Variants in SUCLG1 observed in about 807,000 individuals in gnomAD.
The protein encoded by SUCLG1 is succinate-CoA ligase GDP/ADP-forming subunit alpha, also known as succinate--CoA ligase [ADP/GDP-forming] subunit alpha, mitochondrial.
SUCLG1 carries 26 observed loss-of-function variants against 37.3 expected under a neutral mutation model. That is an observed-to-expected ratio of 0.70 (90% CI 0.51 to 0.97). SUCLG1 has a LOEUF of 0.97. Among genes scored for constraint, SUCLG1 ranks in the 50% least tolerant of loss-of-function variants. The pLI, the probability that SUCLG1 is intolerant of heterozygous loss-of-function variation, is 0.00. For missense variants in SUCLG1, 433 were observed against 432.9 expected, an observed-to-expected ratio of 1.00 and a Z score of 0.00; for synonymous variants, 163 against 155.6, an observed-to-expected ratio of 1.05 and a Z score of -0.36.
chr2:84,447,557 G>A (rs1672869051), intron 2 of SUCLG1, among the ~76,000 whole-genome samples: 1 of 152,048 alleles, frequency 6.6e-6, no homozygotes, highest in Non-Finnish European at 1.5e-5. Flanking sequence ...GAGAATTTGG[G>A]TTAATCAAAC....
chr2:84,433,062 C>G (rs946866228), intron 6 of SUCLG1: 2 of 459,664 alleles, frequency 4.4e-6, no homozygotes, highest in Non-Finnish European at 7.9e-6. Flanking sequence ...ATATAAGGAA[C>G]CATTTCTTCA....
intron 1 of SUCLG1, among the ~76,000 whole-genome samples, chr2:84,453,499 C>G (rs1389513763): frequency 3.3e-5 from 5 of 151,976 alleles, no homozygotes; most frequent in Admixed American, 2.0e-4. Flanking sequence ...ACTGCAACCT[C>G]CACCTCTCGG....
intron 1 of SUCLG1, 85 bp from the exon 2 acceptor site, chr2:84,449,837 CAA>C: frequency 9.8e-7 from 1 of 1,021,392 alleles, no homozygotes; most frequent in Admixed American, 2.7e-5. Flanking sequence ...AACTTGATCA[CAA>C]AAAAAAAATT....
chr2:84,437,926 TAG>T (rs1292037874), intron 5 of SUCLG1, among the ~76,000 whole-genome samples: 2 of 152,192 alleles, frequency 1.3e-5, no homozygotes, highest in African/African-American at 2.4e-5. Flanking sequence ...GATGAATCTC[TAG>T]AGACTTATTC....
At chr2:84,435,327 C>T (rs1672672116) in intron 5 of SUCLG1, among the ~76,000 whole-genome samples, 1 of 152,190 alleles carries the variant, frequency 6.6e-6, no homozygotes, top group Non-Finnish European at 1.5e-5. Context: ...TCTAAATCTC[C>T]TCAATGCTTT....
chr2:84,438,423 A>G (rs1023736990), intron 5 of SUCLG1, among the ~76,000 whole-genome samples: 8 of 152,246 alleles, frequency 5.3e-5, no homozygotes, highest in Non-Finnish European at 7.3e-5. Context: ...CTTCGATAAC[A>G]CTCAATTAGC....
chr2:84,427,528 AG>A (rs1460991155), intron 7 of SUCLG1, among the ~76,000 whole-genome samples: 2 of 152,362 alleles, frequency 1.3e-5, no homozygotes, highest in East Asian at 1.9e-4. Context: ...ATCAGTTATC[AG>A]TATCACCATC....
At chr2:84,441,022 A>G (rs373871009) in intron 5 of SUCLG1, 25 bp downstream of exon 5, 2 of 1,611,636 alleles carry the variant, frequency 1.2e-6, no homozygotes, top group South Asian at 1.1e-5. Flanking sequence ...GTTTTAATCT[A>G]TAAGAATGTA....
intron 1 of SUCLG1, among the ~76,000 whole-genome samples, chr2:84,454,469 T>C (rs145573349): frequency 1.3e-5 from 2 of 152,216 alleles, no homozygotes; most frequent in Non-Finnish European, 1.5e-5. Flanking sequence ...TTAGCGTTAT[T>C]ATTACCGATG....
chr2:84,455,661 C>T (rs1013670026), intron 1 of SUCLG1, among the ~76,000 whole-genome samples: 3 of 151,548 alleles, frequency 2.0e-5, no homozygotes, highest in Non-Finnish European at 1.5e-5. Context: ...CAGTGAAACC[C>T]CATCTCTACT....
chr2:84,424,108 C>T (rs1278339076), intron 8 of SUCLG1, among the ~76,000 whole-genome samples: 9 of 152,180 alleles, frequency 5.9e-5, no homozygotes, highest in South Asian at 2.1e-4. Flanking sequence ...CTTCATTATG[C>T]TTCTGTAGTG....
At chr2:84,448,722 G>C (rs188701021) in intron 2 of SUCLG1, among the ~76,000 whole-genome samples, 1 of 151,898 alleles carries the variant, frequency 6.6e-6, no homozygotes, top group East Asian at 1.9e-4. Flanking sequence ...TTTAGCAGTA[G>C]CTATTAAAAT....
intron 6 of SUCLG1, chr2:84,432,516 T>C (rs1242662859): frequency 6.6e-6 from 1 of 152,256 alleles, no homozygotes; most frequent in African/African-American, 2.4e-5. Flanking sequence ...AAACTGAAGC[T>C]GGAAAAGAAG....
chr2:84,427,837 A>C (rs1056235788), intron 7 of SUCLG1, among the ~76,000 whole-genome samples: 6 of 152,234 alleles, frequency 3.9e-5, no homozygotes, highest in African/African-American at 1.4e-4. Flanking sequence ...CCATTTTATC[A>C]CAAAATACTG....
chr2:84,430,013 A>G (rs1672592253), intron 7 of SUCLG1, among the ~76,000 whole-genome samples: 1 of 152,190 alleles, frequency 6.6e-6, no homozygotes, highest in South Asian at 2.1e-4. Context: ...TAGAAACAGG[A>G]TAAGAGAGAA....
chr2:84,436,652 A>T (rs1672691041), intron 5 of SUCLG1, among the ~76,000 whole-genome samples: 1 of 152,260 alleles, frequency 6.6e-6, no homozygotes, highest in Non-Finnish European at 1.5e-5. Context: ...GGCTTGGCAA[A>T]ATAAATTCAT....
chr2:84,428,913 T>C (rs1672575565), intron 7 of SUCLG1, among the ~76,000 whole-genome samples: 1 of 152,230 alleles, frequency 6.6e-6, no homozygotes, highest in African/African-American at 2.4e-5. Flanking sequence ...CTCACCCCAG[T>C]TCGTTTGCTG....
chr2:84,435,555 G>A (rs12618867), intron 5 of SUCLG1, among the ~76,000 whole-genome samples: 1,754 of 152,268 alleles, frequency 0.012, 31 homozygotes, highest in East Asian at 0.066. Context: ...CCTGCTGACC[G>A]TCTGCAAGAA....
intron 1 of SUCLG1, among the ~76,000 whole-genome samples, chr2:84,455,246 TA>T (rs1053266908): frequency 1.3e-5 from 2 of 152,004 alleles, no homozygotes; most frequent in African/African-American, 4.8e-5. Context: ...TAATTACTGG[TA>T]AAAAAGAAAA....
Sources: allele counts gnomAD v4.1 joint callset (sites outside exome capture counted in the v4.1 genomes callset), GRCh38; gene constraint gnomAD v4.1.1; transcripts MANE v1.5; gene names NCBI Gene and HGNC (gene_info 2026-07-23, HGNC 2026-07-21).